Variants in PDE10A observed in about 807,000 individuals in gnomAD.
PDE10A encodes the protein cAMP and cAMP-inhibited cGMP 3',5'-cyclic phosphodiesterase 10A.
PDE10A carries 39 observed loss-of-function variants against 97.7 expected under a neutral mutation model. The observed-to-expected ratio is 0.40, with a 90% CI of 0.31 to 0.52. The LOEUF (loss-of-function observed/expected upper bound fraction) is 0.52. Ranked by LOEUF, PDE10A falls within the 20% of genes least tolerant of loss-of-function variation. PDE10A has a pLI of 0.56. For missense variants in PDE10A, 731 were observed against 1,047.8 expected (o/e 0.70, Z 4.17); for synonymous variants, 371 against 376.8 (o/e 0.98, Z 0.18).
intron 1 of PDE10A, among the ~76,000 whole-genome samples, chr6:165,875,197 G>GT (rs1781299860): frequency 6.6e-6 from 1 of 152,040 alleles, no homozygotes; most frequent in Non-Finnish European, 1.5e-5. Flanking sequence ...GGACAAACTT[G>GT]TGCATGTGCT....
upstream of PDE10A, among the ~76,000 whole-genome samples, chr6:165,664,883 A>C (rs1047912765): frequency 6.6e-6 from 1 of 152,238 alleles, no homozygotes; most frequent in Middle Eastern, 3.4e-3. Context: ...TACTAAATCT[A>C]TTTTTCAGTT....
At chr6:165,349,564 G>A (rs1782557206) in intron 18 of PDE10A, among the ~76,000 whole-genome samples, 1 of 152,168 alleles carries the variant, frequency 6.6e-6, no homozygotes, top group Non-Finnish European at 1.5e-5. Context: ...TTTCTGGGGA[G>A]AAATTCAAGC....
chr6:165,463,466 G>C (rs1778445010), intron 3 of PDE10A, among the ~76,000 whole-genome samples: 1 of 152,222 alleles, frequency 6.6e-6, no homozygotes, highest in African/African-American at 2.4e-5. Context: ...AGGAGCTGCA[G>C]ACAAATTAGC....
intron 16 of PDE10A, among the ~76,000 whole-genome samples, chr6:165,390,854 C>T (rs570190010): frequency 6.6e-6 from 1 of 152,150 alleles, no homozygotes; most frequent in Non-Finnish European, 1.5e-5. Context: ...ACCCCTAACC[C>T]CATGAAGTAT....
chr6:165,402,424 T>C (rs962154265), intron 13 of PDE10A, among the ~76,000 whole-genome samples: 1 of 152,094 alleles, frequency 6.6e-6, no homozygotes, highest in Non-Finnish European at 1.5e-5. Flanking sequence ...TTAATATGAA[T>C]AGTAGAAAAT....
chr6:165,521,483 T>C (rs186578968), intron 2 of PDE10A, among the ~76,000 whole-genome samples: 41 of 152,316 alleles, frequency 2.7e-4, no homozygotes, highest in African/African-American at 9.6e-4. Context: ...AGCCACGTTG[T>C]TAATGCAAAG....
intron 3 of PDE10A, among the ~76,000 whole-genome samples, chr6:165,456,695 C>T (rs935404810): frequency 1.7e-4 from 26 of 152,086 alleles, no homozygotes; most frequent in African/African-American, 6.3e-4. Flanking sequence ...TTTCCCTTTC[C>T]AAGACTAAAT....
At position 165,333,095 on chromosome 6, in the gene PDE10A, C is replaced by G; in HGVS notation, c.3098G>C (p.Arg1033Pro). 6.2e-7 allele frequency: 1 copy of G among 1,611,178 alleles called. No homozygotes were observed. Among genetic ancestry groups the G allele is most frequent in the Non-Finnish European group, 8.5e-7 (1 of 1,177,368 alleles). ...AATCCAGGTTGCAGTCTCCTCCCCTCGAATCACCTTCTCCCACTGACTGAG... is the reference window on the plus strand; with the variant it reads ...AATCCAGGTTGCAGTCTCCTCCCCTGGAATCACCTTCTCCCACTGACTGAG... ...DNLSQWEKVIRGEETATWISS... is the reference protein window; with the variant it reads ...DNLSQWEKVIPGEETATWISS... Residue 1033 changes from arginine (R) to proline (P), a missense_variant, in exon 22 of 22, where the codon CGA becomes CCA. Coordinates refer to ENST00000539869, the MANE Select transcript of PDE10A (RefSeq NM_001385079.1).
rs1790369117 is a variant in PDE10A, at chr6:165,662,977, A to G, written c.-166T>C. 6.6e-6 allele frequency among the ~76,000 whole-genome samples: 1 copy of G among 150,712 alleles called. No individual in the cohort carries two copies. The highest frequency in any genetic ancestry group is 2.1e-4 in the South Asian group (1 of 4,806). On this transcript the variant is annotated 5_prime_UTR_variant, in exon 1 of 22. An upstream open reading frame in the 5' UTR loses its in-frame stop. Transcript: ENST00000539869. ...CGGCTTCCCTCCCAGTCTAGTCTTC[A>G]CATTGTGCTCGGCTTGGGTTGCGGG...
At chr6:165,743,894 A>G (rs1792785456) in intron 1 of PDE10A, among the ~76,000 whole-genome samples, 1 of 152,230 alleles carries the variant, frequency 6.6e-6, no homozygotes, top group Non-Finnish European at 1.5e-5. Context: ...TTAAATGAAT[A>G]TTCCATGTAG....
chr6:165,417,900 T>C (rs1044458959), intron 11 of PDE10A, among the ~76,000 whole-genome samples: 1 of 152,220 alleles, frequency 6.6e-6, no homozygotes, highest in Admixed American at 6.5e-5. Context: ...TACGGTGTTA[T>C]ACAGAAGATG....
chr6:165,986,825 C>A (rs778974126), intron 1 of PDE10A, among the ~76,000 whole-genome samples: 2 of 151,748 alleles, frequency 1.3e-5, no homozygotes, highest in African/African-American at 4.8e-5. Flanking sequence ...GGTGAGGATG[C>A]GATTTCAATG....
rs1162256357 is a variant in PDE10A, at chr6:165,331,211, T to C, written c.*1814A>G. On this transcript the variant is annotated 3_prime_UTR_variant, in exon 22 of 22. Coordinates refer to ENST00000539869, the MANE Select transcript of PDE10A (RefSeq NM_001385079.1). ...ATGTGTGTGTTCTACATATATTACA[T>C]CCATCCATATATATATGTGTGTGTA... The C allele has an allele frequency of 6.6e-6, 1 of 152,174 alleles. No individual in the cohort carries two copies. The highest frequency in any genetic ancestry group is 1.5e-5 in the Non-Finnish European group (1 of 68,008). The allele number at this position is 152,174 out of a possible 1,614,324, so 9.4% of individuals were successfully genotyped here. A position where few individuals can be genotyped will look rare whatever the true frequency, so the allele number is the denominator to read the frequency against.
intron 13 of PDE10A, among the ~76,000 whole-genome samples, chr6:165,397,904 G>A (rs1786303765): frequency 6.6e-6 from 1 of 151,996 alleles, no homozygotes; most frequent in Admixed American, 6.6e-5. Context: ...TGAATACACA[G>A]TAATTATGTG....
intron 1 of PDE10A, among the ~76,000 whole-genome samples, chr6:165,761,014 C>T (rs570584009): frequency 1.3e-4 from 20 of 152,258 alleles, no homozygotes; most frequent in East Asian, 5.8e-4. Flanking sequence ...ACTGGGAGAA[C>T]GGGGCGGAGC....
intron 18 of PDE10A, among the ~76,000 whole-genome samples, chr6:165,358,006 A>G (rs1783141605): frequency 6.6e-6 from 1 of 151,984 alleles, no homozygotes; most frequent in Non-Finnish European, 1.5e-5. Context: ...ATTTTGATAT[A>G]GTTTGTTTTC....
intron 1 of PDE10A, among the ~76,000 whole-genome samples, chr6:165,972,012 CAG>C (rs1345508161): frequency 6.6e-6 from 1 of 152,016 alleles, no homozygotes; most frequent in Non-Finnish European, 1.5e-5. Flanking sequence ...GCATAAATAA[CAG>C]AGGCTGCAGT....
At chr6:165,896,529 T>A (rs1157058046) in intron 1 of PDE10A, among the ~76,000 whole-genome samples, 2 of 146,666 alleles carry the variant, frequency 1.4e-5, no homozygotes, top group Non-Finnish European at 3.0e-5. Context: ...TAATTTTTTT[T>A]TTTTTTTTTT....
chr6:165,449,989 T>C (rs564118219), intron 4 of PDE10A, among the ~76,000 whole-genome samples: 1 of 152,294 alleles, frequency 6.6e-6, no homozygotes, highest in East Asian at 1.9e-4. Context: ...GGAAACTAGG[T>C]GTTAATTAGA....
Sources: gnomAD v4.1 joint callset for allele counts (sites outside exome capture counted in the v4.1 genomes callset) on GRCh38, gnomAD v4.1.1 for gene constraint, MANE v1.5 for transcripts, NCBI Gene and HGNC (gene_info 2026-07-23, HGNC 2026-07-21) for gene names.